The following SMCHD1 variants were observed in gnomAD, a reference collection of about 807,000 sequenced individuals.
SMCHD1 encodes the protein structural maintenance of chromosomes flexible hinge domain containing 1, also known as structural maintenance of chromosomes flexible hinge domain-containing protein 1.
In SMCHD1, 78 loss-of-function variants were observed where a neutral mutation model predicts 254.7. That is an observed-to-expected ratio of 0.31 (90% CI 0.26 to 0.37). The LOEUF is 0.37. SMCHD1 is among the 10% of genes least tolerant of loss of function. The pLI is 1.00. For synonymous variants in SMCHD1, 766 were observed against 794.9 expected (o/e 0.96, Z 0.61); for missense variants, 1,840 against 2,408.1 (o/e 0.76, Z 4.94).
chr18:2,667,852 T>C (rs2073481543), intron 3 of SMCHD1, among the ~76,000 whole-genome samples: 1 of 152,160 alleles, frequency 6.6e-6, no homozygotes, highest in Non-Finnish European at 1.5e-5. Context: ...AATATTTAGG[T>C]AATATAATTT....
At chr18:2,733,614 A>T (rs550450418) in intron 25 of SMCHD1, among the ~76,000 whole-genome samples, 1 of 152,208 alleles carries the variant, frequency 6.6e-6, no homozygotes, top group African/African-American at 2.4e-5. Flanking sequence ...ACAGTTTTCT[A>T]TGTTGACCTA....
chr18:2,759,316 G>C (rs2075738722), intron 34 of SMCHD1, among the ~76,000 whole-genome samples: 1 of 152,104 alleles, frequency 6.6e-6, no homozygotes, highest in African/African-American at 2.4e-5. Context: ...TTCAAAGGAA[G>C]TTGCATTTCT....
At chr18:2,752,742 C>CTT (rs2075598780) in intron 34 of SMCHD1, 190 bp downstream of exon 34, 1 of 500,652 alleles carries the variant, frequency 2.0e-6, no homozygotes, top group Non-Finnish European at 3.6e-6. Flanking sequence ...TGGTTTTAAG[C>CTT]TTTGTAAATT....
intron 3 of SMCHD1, among the ~76,000 whole-genome samples, chr18:2,669,702 C>T (rs574494785): frequency 3.1e-4 from 47 of 152,244 alleles, no homozygotes; most frequent in African/African-American, 9.1e-4. Context: ...AAAATGGTGC[C>T]GGGTTTATCT....
At position 2,769,758 on chromosome 18, in the gene SMCHD1, C is replaced by T; in HGVS notation, c.4784C>T (p.Pro1595Leu). Residue 1595 changes from proline to leucine, a missense_variant, in exon 38 of 48, where the codon CCC becomes CTC. This residue lies in a region of SMCHD1 where 881 missense variants were observed against 1,009.5 expected (regional missense o/e 0.87). Transcript: ENST00000320876. ...ACTGAATATTTTATTGTATTTGAGC[C>T]CCGGCTACCACTTTTATCAAGAACC... ...DSTEYFIVFE[P>L]RLPLLSRTLE... 1 of 1,603,612 alleles carries T rather than the reference C, an allele frequency of 6.2e-7. No homozygotes were observed. Among genetic ancestry groups the T allele is most frequent in the Non-Finnish European group, 8.5e-7 (1 of 1,174,022 alleles).
rs1568198802 is a variant in SMCHD1 at position 2,708,902 on chromosome 18, A to ATT, written c.2260+983_2260+984insTT. On this transcript the variant is annotated intron_variant, in intron 17 of 47. Transcript: ENST00000320876. ...TATATATATATATATATATATATATATATATAACATATTAACATGAAATTT... is the reference window on the plus strand; with the variant it reads ...TATATATATATATATATATATATATATTTATATAACATATTAACATGAAATTT... Among the ~76,000 whole-genome samples, 25 of 68,202 alleles carry ATT rather than the reference A, an allele frequency of 3.7e-4. 1 individual carries two copies. In the East Asian group the frequency reaches 0.012, roughly 33 times the overall value. 44.7% of individuals were successfully genotyped at this position (68,202 alleles called of 152,430 possible).
intron 17 of SMCHD1, among the ~76,000 whole-genome samples, chr18:2,712,239 T>C (rs2074695137): frequency 6.6e-6 from 1 of 151,662 alleles, no homozygotes; most frequent in African/African-American, 2.4e-5. Flanking sequence ...TCCTTTTTTT[T>C]TTTTTTGATG....
rs1003641251 is a variant in SMCHD1, at chr18:2,697,965, A to G, written c.1266A>G (p.Val422=). 6.2e-7 allele frequency: 1 copy of G among 1,613,720 alleles called. No individual in the cohort carries two copies. The highest frequency in any genetic ancestry group is 8.5e-7 in the Non-Finnish European group (1 of 1,179,712). ...EFKAHVEGDG[V]VEGIIRYHPF... ...AAGCTCATGTTGAAGGAGATGGTGTAGTGGAAGGGATTATCCGTTATCATC... is the reference window on the plus strand; with the variant it reads ...AAGCTCATGTTGAAGGAGATGGTGTGGTGGAAGGGATTATCCGTTATCATC... The change falls in exon 10 of 48, where the codon GTA becomes GTG. Residue 422 remains valine (V), a synonymous_variant. Transcript: ENST00000320876.
intron 5 of SMCHD1, among the ~76,000 whole-genome samples, chr18:2,687,309 AC>A (rs1296379637): frequency 6.6e-6 from 1 of 152,210 alleles, no homozygotes; most frequent in Admixed American, 6.5e-5. Flanking sequence ...TTTCTTTAGA[AC>A]AAGTCTTCTG....
intron 17 of SMCHD1, among the ~76,000 whole-genome samples, chr18:2,715,310 T>C (rs1214838893): frequency 6.6e-6 from 1 of 152,218 alleles, no homozygotes. Flanking sequence ...AATTCTTTTT[T>C]CTTTATTTTG....
At chr18:2,660,429 GT>G (rs1457342688) in intron 1 of SMCHD1, among the ~76,000 whole-genome samples, 1 of 149,032 alleles carries the variant, frequency 6.7e-6, no homozygotes, top group Non-Finnish European at 1.5e-5. Flanking sequence ...TAGTTTATGT[GT>G]CTTAATTAAA....
intron 1 of SMCHD1, among the ~76,000 whole-genome samples, chr18:2,662,667 C>CAAAAAAAAAAAAAAAAAAA (rs745838636): frequency 2.8e-5 from 1 of 35,682 alleles, no homozygotes; most frequent in Non-Finnish European, 5.0e-5. Context: ...AACAAAAAAC[C>CAAAAAAAAAAAAAAAAAAA]AAAAAAAAAA....
In SMCHD1 at chr18:2,703,673, A is replaced by G. The variant is rs777030918; in HGVS notation, c.1648-19A>G. On this transcript the variant is annotated intron_variant, in intron 12 of 47. Transcript: ENST00000320876. ...TTTGCTAGTAGCTATATTTCATAAA[A>G]CATTTTAAAATTCTACAGGAACAGC... The G allele has an allele frequency of 6.3e-7, 1 of 1,588,616 alleles. No homozygotes were observed. Among genetic ancestry groups the G allele is most frequent in the Non-Finnish European group, 8.6e-7 (1 of 1,169,398 alleles).
At position 2,724,943 on chromosome 18, in the gene SMCHD1, G is replaced by A. The variant is rs1264098854; in HGVS notation, c.2648G>A (p.Cys883Tyr). 4 of 1,594,784 alleles carry A rather than the reference G, an allele frequency of 2.5e-6. No homozygotes were observed. Among genetic ancestry groups the A allele is most frequent in the South Asian group, 2.3e-5 (2 of 88,212 alleles). ...HYEEITKGPN[C>Y]VIRGVTAKGP... The stretch of plus-strand genomic sequence containing the variant: ...GAAGAAATAACCAAAGGACCAAATT[G>A]TGTAATTCGAGGTGTTACAGCCAAG... Residue 883 changes from cysteine to tyrosine, a missense_variant, in exon 21 of 48, where the codon TGT becomes TAT. Cys to Tyr is a radical substitution (Grantham distance 194). This residue lies in a region of SMCHD1 where 881 missense variants were observed against 1,009.5 expected (regional missense o/e 0.87). Transcript: ENST00000320876.
chr18:2,796,969 G>A (rs2076275403), intron 47 of SMCHD1: 1 of 151,820 alleles, frequency 6.6e-6, no homozygotes, highest in Non-Finnish European at 1.5e-5. Context: ...AAAAAATAAA[G>A]TAATAATGAA....
At chr18:2,710,568 T>G (rs1296941608) in intron 17 of SMCHD1, among the ~76,000 whole-genome samples, 4 of 149,970 alleles carry the variant, frequency 2.7e-5, no homozygotes, top group African/African-American at 7.6e-5. Context: ...TATACCAGGG[T>G]TTTTTTTATG....
At chr18:2,777,752 TA>T in intron 42 of SMCHD1, 53 bp from the exon 43 acceptor site, 1 of 996,978 alleles carries the variant, frequency 1.0e-6, no homozygotes, top group Non-Finnish European at 1.5e-6. Context: ...TGTCTTTTTT[TA>T]AATTTAAAAA....
At chr18:2,754,709 C>T (rs978444406) in intron 34 of SMCHD1, among the ~76,000 whole-genome samples, 7 of 152,144 alleles carry the variant, frequency 4.6e-5, no homozygotes, top group Non-Finnish European at 7.3e-5. Context: ...GAGAACCCTC[C>T]TGAAATCTAA....
intron 37 of SMCHD1, among the ~76,000 whole-genome samples, chr18:2,766,195 G>A (rs1474345575): frequency 5.3e-5 from 8 of 152,016 alleles, no homozygotes; most frequent in African/African-American, 1.2e-4. Flanking sequence ...GGGTTTCACC[G>A]TGTTTGCCAG....
Sources: gnomAD v4.1 joint callset for allele counts (sites outside exome capture counted in the v4.1 genomes callset) on GRCh38, gnomAD v4.1.1 for gene constraint, gnomAD v4.1.1 regional missense constraint, MANE v1.5 for transcripts, NCBI Gene and HGNC (gene_info 2026-07-23, HGNC 2026-07-21) for gene names.